Variants in CHD6 observed in about 807,000 individuals in gnomAD.
The protein encoded by CHD6 is chromodomain helicase DNA binding protein 6, also known as ATP-dependent chromatin remodeler CHD6.
In CHD6, 50 loss-of-function variants were observed where a neutral mutation model predicts 276.9. The observed-to-expected ratio is 0.18, with a 90% CI of 0.14 to 0.23. The LOEUF (loss-of-function observed/expected upper bound fraction) is 0.23. Among genes scored for constraint, CHD6 ranks in the 10% least tolerant of loss-of-function variants. The pLI, the probability that CHD6 is intolerant of heterozygous loss-of-function variation, is 1.00. For synonymous variants in CHD6, 1,173 were observed against 1,229.3 expected (o/e 0.95, Z 0.96); for missense variants, 2,564 against 3,365.8 (o/e 0.76, Z 5.89).
intron 1 of CHD6, among the ~76,000 whole-genome samples, chr20:41,583,079 G>T (rs1033896934): frequency 3.3e-5 from 5 of 152,008 alleles, no homozygotes; most frequent in African/African-American, 9.7e-5. Context: ...ACAGTATTTG[G>T]CAGGGGGGAA....
chr20:41,567,231 A>G (rs1014433958), intron 1 of CHD6, among the ~76,000 whole-genome samples: 2 of 152,126 alleles, frequency 1.3e-5, no homozygotes, highest in African/African-American at 4.8e-5. Flanking sequence ...TCCTGCCTGT[A>G]AAGTGGTAAC....
At chr20:41,549,103 G>T (rs1394160046) in intron 2 of CHD6, among the ~76,000 whole-genome samples, 2 of 151,958 alleles carry the variant, frequency 1.3e-5, no homozygotes, top group African/African-American at 4.8e-5. Context: ...CAGGGATCTA[G>T]AACTAGAAAT....
At chr20:41,465,685 G>A (rs1034809988) in intron 17 of CHD6, among the ~76,000 whole-genome samples, 3 of 152,038 alleles carry the variant, frequency 2.0e-5, no homozygotes, top group East Asian at 1.9e-4. Context: ...ATTATACTAC[G>A]GTTATATAAA....
intron 2 of CHD6, among the ~76,000 whole-genome samples, chr20:41,549,559 G>T (rs2045112442): frequency 6.9e-6 from 1 of 144,570 alleles, no homozygotes; most frequent in Admixed American, 6.9e-5. Context: ...TGAGTTAATG[G>T]GTGCAGCACA....
intron 23 of CHD6, among the ~76,000 whole-genome samples, chr20:41,448,935 CTT>C (rs556846621): frequency 2.7e-5 from 4 of 147,642 alleles, no homozygotes; most frequent in Non-Finnish European, 4.5e-5. Flanking sequence ...GAGTTTTGCT[CTT>C]GTCGCCCAGG....
intron 2 of CHD6, among the ~76,000 whole-genome samples, chr20:41,541,294 C>T (rs1291515695): frequency 3.9e-5 from 6 of 152,142 alleles, no homozygotes; most frequent in Admixed American, 6.5e-5. Context: ...ATAACTTCAT[C>T]GGGAAGTCCA....
At chr20:41,487,626 G>A (rs745329363) in intron 14 of CHD6, 39 bp downstream of exon 14, 109 of 1,566,750 alleles carry the variant, frequency 7.0e-5, no homozygotes, top group Non-Finnish European at 9.1e-5. Context: ...TGAAGATAAC[G>A]ATCACACTGT....
At chr20:41,595,833 T>C (rs1377443317) in intron 1 of CHD6, among the ~76,000 whole-genome samples, 2 of 152,004 alleles carry the variant, frequency 1.3e-5, no homozygotes, top group African/African-American at 4.8e-5. Context: ...CAAATGAGGA[T>C]TGGATTTGTC....
chr20:41,597,355 C>G (rs2045728106), intron 1 of CHD6, among the ~76,000 whole-genome samples: 2 of 152,124 alleles, frequency 1.3e-5, no homozygotes, highest in South Asian at 4.1e-4. Flanking sequence ...CACTACGGAC[C>G]TCCCGACATT....
intron 1 of CHD6, among the ~76,000 whole-genome samples, chr20:41,615,318 G>A (rs911224256): frequency 2.0e-5 from 3 of 147,906 alleles, no homozygotes; most frequent in African/African-American, 7.6e-5. Context: ...AGTTCTTTTT[G>A]CTCCACTCAC....
At chr20:41,479,694 CT>C (rs1183701617) in intron 16 of CHD6, among the ~76,000 whole-genome samples, 1 of 151,914 alleles carries the variant, frequency 6.6e-6, no homozygotes, top group Admixed American at 6.6e-5. Context: ...ATAACCAGTG[CT>C]ATTAAAAATG....
intron 17 of CHD6, among the ~76,000 whole-genome samples, chr20:41,460,652 G>A (rs1369414422): frequency 1.3e-5 from 2 of 152,224 alleles, no homozygotes; most frequent in Non-Finnish European, 2.9e-5. Context: ...ATTGAGATTT[G>A]GGAACCTCCA....
intron 1 of CHD6, among the ~76,000 whole-genome samples, chr20:41,617,286 G>C (rs2045942337): frequency 6.6e-6 from 1 of 152,018 alleles, no homozygotes; most frequent in Non-Finnish European, 1.5e-5. Context: ...AGGGTCCTAC[G>C]AGCTCAAAAT....
At chr20:41,434,911 C>A (rs775142320) in intron 27 of CHD6, among the ~76,000 whole-genome samples, 14 of 152,094 alleles carry the variant, frequency 9.2e-5, no homozygotes, top group Non-Finnish European at 1.9e-4. Context: ...TCCAATAAAA[C>A]CAAAAGCATG....
chr20:41,604,864 T>A (rs1013808482), intron 1 of CHD6, among the ~76,000 whole-genome samples: 11 of 152,102 alleles, frequency 7.2e-5, no homozygotes, highest in African/African-American at 2.7e-4. Context: ...TACTGAAAGG[T>A]ATGGGCACAT....
intron 2 of CHD6, among the ~76,000 whole-genome samples, chr20:41,545,026 C>G (rs2045013367): frequency 1.3e-5 from 2 of 152,202 alleles, no homozygotes; most frequent in East Asian, 3.9e-4. Flanking sequence ...CTAATAAGTT[C>G]TGGAGACAGG....
intron 1 of CHD6, among the ~76,000 whole-genome samples, chr20:41,552,056 CA>C (rs1045618504): frequency 9.2e-5 from 14 of 152,112 alleles, no homozygotes; most frequent in Non-Finnish European, 1.9e-4. Flanking sequence ...TTTAGAGGTA[CA>C]AAAGTGTGTC....
At chr20:41,548,129 AT>A (rs2045078501) in intron 2 of CHD6, among the ~76,000 whole-genome samples, 2 of 152,118 alleles carry the variant, frequency 1.3e-5, no homozygotes, top group East Asian at 3.8e-4. Flanking sequence ...CTTGAACATC[AT>A]TTTCTATTTT....
Position 41,608,269 on chromosome 20 carries a change from G to A in CHD6, c.-24+10071C>T, listed in dbSNP as rs138897698. The stretch of plus-strand genomic sequence containing the variant: ...AAAGTTTCCATTAAGCAAAAAAATA[G>A]TAAACAAGATTTACCAAAATAGTAC... On this transcript the variant is annotated intron_variant, in intron 1 of 36. Coordinates refer to ENST00000373233, the MANE Select transcript of CHD6 (RefSeq NM_032221.5). 4.9e-3 allele frequency among the ~76,000 whole-genome samples: 747 copies of A among 152,268 alleles called. 4 individuals carry two copies. The highest frequency in any genetic ancestry group is 0.037 in the Middle Eastern group (11 of 294).
Sources: gnomAD v4.1 joint callset for allele counts (sites outside exome capture counted in the v4.1 genomes callset) on GRCh38, gnomAD v4.1.1 for gene constraint, MANE v1.5 for transcripts, NCBI Gene and HGNC (gene_info 2026-07-23, HGNC 2026-07-21) for gene names.